Variants in P4HA2 observed in about 807,000 individuals in gnomAD.
P4HA2 encodes prolyl 4-hydroxylase subunit alpha 2.
P4HA2 carries 46 observed loss-of-function variants against 76.9 expected under a neutral mutation model. The observed-to-expected ratio is 0.60, with a 90% CI of 0.47 to 0.76. The LOEUF is 0.76. Ranked by LOEUF, P4HA2 falls within the 30% of genes least tolerant of loss-of-function variation. The pLI is 0.00. For missense variants in P4HA2, 583 were observed against 669.4 expected (o/e 0.87, Z 1.42); for synonymous variants, 243 against 254.0 (o/e 0.96, Z 0.41).
intron 14 of P4HA2, chr5:132,193,496 T>G (rs1750150172): frequency 6.6e-6 from 1 of 152,586 alleles, no homozygotes; most frequent in Admixed American, 6.5e-5. Context: ...ACCCAGATGG[T>G]TCTCTCACCA....
chr5:132,197,822 A>G (rs1270746680), intron 12 of P4HA2: 5 of 184,086 alleles, frequency 2.7e-5, no homozygotes, highest in African/African-American at 1.2e-4. Flanking sequence ...CTTAATGGGT[A>G]GAGTTTCAGT....
chr5:132,204,496 C>T (rs888165161), intron 8 of P4HA2, among the ~76,000 whole-genome samples: 3 of 152,274 alleles, frequency 2.0e-5, no homozygotes, highest in African/African-American at 7.2e-5. Flanking sequence ...ACATACCACC[C>T]CTGCCTGAGC....
rs776319847 is a variant in P4HA2 at position 132,198,932 on chromosome 5, C to G, written c.1252G>C (p.Val418Leu). Reference protein sequence around the residue: ...LTVKTAELLQVANYGVGGQYE... With the variant: ...LTVKTAELLQLANYGVGGQYE... ...TGTCCTCCCACTCCATAATTTGCAA[C>G]CTGTGGGAAATAACAGCATTAGACC... Residue 418 changes from valine (V) to leucine (L), a missense_variant and splice_region_variant, in exon 11 of 15, where the codon GTT (valine) becomes CTT (leucine). By Grantham distance (32) the Val-to-Leu change is conservative. Transcript: ENST00000360568. 1 of 1,608,602 alleles carries G rather than the reference C, an allele frequency of 6.2e-7. No individual in the cohort carries two copies. Among genetic ancestry groups the G allele is most frequent in the Non-Finnish European group, 8.5e-7 (1 of 1,174,990 alleles).
intron 1 of P4HA2, among the ~76,000 whole-genome samples, chr5:132,222,386 G>C (rs567969751): frequency 6.6e-6 from 1 of 152,170 alleles, no homozygotes; most frequent in African/African-American, 2.4e-5. Context: ...AGTATGGGGG[G>C]TACCCTACTC....
Position 132,195,028 on chromosome 5 carries a change from A to G in P4HA2, c.1435-6T>C. On this transcript the variant is annotated splice_region_variant and splice_polypyrimidine_tract_variant and intron_variant, in intron 13 of 14. Transcript: ENST00000360568. ...TACCAGAACACAGCTGTACCCTGGG[A>G]AAGAGATGGCCTTTCAGAACACATT... 6.3e-7 allele frequency: 1 copy of G among 1,588,080 alleles called. No individual in the cohort carries two copies.
At chr5:132,215,850 T>TAAA (rs539378974) in intron 4 of P4HA2, among the ~76,000 whole-genome samples, 15 of 81,898 alleles carry the variant, frequency 1.8e-4, no homozygotes, top group Non-Finnish European at 2.8e-4. Flanking sequence ...CCTGTCCCTT[T>TAAA]AAAAAAAAAA....
rs190414426 is a variant in P4HA2 at position 132,218,514 on chromosome 5, T to C, written c.82+31A>G. 31 of 1,482,154 alleles carry C rather than the reference T, an allele frequency of 2.1e-5. No individual in the cohort carries two copies. In the African/African-American group the frequency reaches 2.9e-4, roughly 14 times the overall value. 91.8% of individuals were successfully genotyped at this position (1,482,154 alleles called of 1,614,324 possible). ...CATCCGTGGCATGTGAGCCAAGGTG[T>C]CAGGGAGACGACAGTCCTGTTGGCA... On this transcript the variant is annotated intron_variant, in intron 2 of 14. Coordinates refer to ENST00000360568, the MANE Select transcript of P4HA2 (RefSeq NM_001017974.2).
intron 12 of P4HA2, chr5:132,195,713 A>G (rs757072243): frequency 6.4e-5 from 37 of 576,178 alleles, no homozygotes; most frequent in Non-Finnish European, 1.0e-4. Flanking sequence ...GTTGAGGCCC[A>G]CAGGAGACCC....
intron 6 of P4HA2, 87 bp from the exon 7 acceptor site, chr5:132,209,418 C>T: frequency 9.3e-7 from 1 of 1,072,984 alleles, no homozygotes; most frequent in African/African-American, 1.6e-5. Context: ...GGGTTTCTCT[C>T]CCAGCAGCTC....
intron 8 of P4HA2, among the ~76,000 whole-genome samples, chr5:132,206,404 G>T (rs1752222523): frequency 6.6e-6 from 1 of 152,152 alleles, no homozygotes; most frequent in Non-Finnish European, 1.5e-5. Flanking sequence ...AGTACCTCAA[G>T]CCAAAGCTGT....
rs763877319 is a variant in P4HA2 at position 132,198,313 on chromosome 5, G to T, written c.1365+8C>A. ...GAATGAACAGGTGGGCCTGGACCCA[G>T]TACTTACGTAGTTAAGAAACGTCGC... On this transcript the variant is annotated splice_region_variant and intron_variant, in intron 12 of 14. Coordinates refer to ENST00000360568, the MANE Select transcript of P4HA2 (RefSeq NM_001017974.2). 6.2e-7 allele frequency: 1 copy of T among 1,614,212 alleles called. No homozygotes were observed. Among genetic ancestry groups the T allele is most frequent in the South Asian group, 1.1e-5 (1 of 91,082 alleles).
Position 132,210,264 on chromosome 5 carries a change from T to A in P4HA2, c.709+20A>T, listed in dbSNP as rs773151852. 1.2e-5 allele frequency: 20 copies of A among 1,613,610 alleles called. No homozygotes were observed. The highest frequency in any genetic ancestry group is 1.7e-5 in the Non-Finnish European group (20 of 1,179,666). ...TGCCACTCTCCATTCCCATCTTACC[T>A]TCCCCTAGAATCTCCTTACCAAGGG... On this transcript the variant is annotated intron_variant, in intron 6 of 14. Transcript: ENST00000360568.
chr5:132,201,583 G>C (rs574589304), intron 10 of P4HA2: 1 of 152,174 alleles, frequency 6.6e-6, no homozygotes. Flanking sequence ...AGGAAATGTC[G>C]AGACAGTTCC....
intron 2 of P4HA2, 48 bp from the exon 3 acceptor site, chr5:132,217,896 T>C (rs1180689531): frequency 8.9e-7 from 1 of 1,121,068 alleles, no homozygotes; most frequent in South Asian, 1.3e-5. Context: ...ATGAGGGATG[T>C]CCAGCCTCCT....
intron 5 of P4HA2, among the ~76,000 whole-genome samples, chr5:132,213,336 T>A (rs913113608): frequency 6.6e-6 from 1 of 151,360 alleles, no homozygotes; most frequent in Non-Finnish European, 1.5e-5. Context: ...ACCAGGAAAA[T>A]GGACAGAGTG....
chr5:132,193,110 C>G, intron 14 of P4HA2, 30 bp from the exon 15 acceptor site: 1 of 1,547,774 alleles, frequency 6.5e-7, no homozygotes, highest in Non-Finnish European at 8.9e-7. Flanking sequence ...ATGTTACAAT[C>G]CTATTGGTCA....
chr5:132,199,772 C>T (rs1323250082), intron 10 of P4HA2: 1 of 152,270 alleles, frequency 6.6e-6, no homozygotes, highest in Non-Finnish European at 1.5e-5. Flanking sequence ...TATTGTGTCT[C>T]ACTGAAAACA....
At chr5:132,195,534 T>C (rs979827011) in intron 12 of P4HA2, 54 bp from the exon 13 acceptor site, 17 of 1,346,374 alleles carry the variant, frequency 1.3e-5, no homozygotes, top group Non-Finnish European at 1.8e-5. Flanking sequence ...CTCAGAGCAA[T>C]TGAGCCACAA....
intron 1 of P4HA2, among the ~76,000 whole-genome samples, chr5:132,224,236 G>A (rs947845444): frequency 6.6e-6 from 1 of 152,216 alleles, no homozygotes; most frequent in African/African-American, 2.4e-5. Flanking sequence ...CATACTAAGA[G>A]TTAAACCCCA....
Sources: allele counts gnomAD v4.1 joint callset (sites outside exome capture counted in the v4.1 genomes callset), GRCh38; gene constraint gnomAD v4.1.1; transcripts MANE v1.5; gene names NCBI Gene and HGNC (gene_info 2026-07-23, HGNC 2026-07-21).